LY75: variants seen among roughly 807,000 people sequenced by gnomAD.
LY75 encodes lymphocyte antigen 75.
Under a neutral mutation model 231.7 loss-of-function variants are expected in LY75, and 185 were observed. The observed-to-expected ratio is 0.80, with a 90% CI of 0.71 to 0.90. LY75 has a LOEUF of 0.90. Among genes scored for constraint, LY75 ranks in the 40% least tolerant of loss-of-function variants. The probability of loss-of-function intolerance (pLI) is 0.00; values close to 1 mark genes in which losing one functional copy is unlikely to be tolerated. For synonymous variants in LY75, 668 were observed against 689.0 expected (o/e 0.97, Z 0.48); for missense variants, 1,947 against 2,050.2 (o/e 0.95, Z 0.97).
intron 2 of LY75, among the ~76,000 whole-genome samples, chr2:159,894,333 C>T (rs1685847412): frequency 6.6e-6 from 1 of 152,178 alleles, no homozygotes; most frequent in Admixed American, 6.5e-5. Context: ...CTGGGGATAG[C>T]GTTCAGTGAT....
intron 32 of LY75, among the ~76,000 whole-genome samples, 158 bp downstream of exon 32, chr2:159,810,368 C>T (rs944165815): frequency 1.3e-5 from 2 of 151,958 alleles, no homozygotes; most frequent in South Asian, 4.2e-4. Flanking sequence ...GATACTTAAC[C>T]ATTTCCCTAC....
At chr2:159,843,890 C>G (rs1684117602) in intron 23 of LY75, among the ~76,000 whole-genome samples, 1 of 152,078 alleles carries the variant, frequency 6.6e-6, no homozygotes, top group African/African-American at 2.4e-5. Context: ...CACATGCATG[C>G]ATTGAAACAT....
At position 159,804,715 on chromosome 2, in the gene LY75, G is replaced by C. The variant is rs1682744361; in HGVS notation, c.*329C>G. The C allele has an allele frequency of 6.3e-6, 1 of 158,038 alleles. No homozygotes were observed. The highest frequency in any genetic ancestry group is 2.4e-5 in the African/African-American group (1 of 41,650). 9.8% of individuals were successfully genotyped at this position (158,038 alleles called of 1,614,324 possible). A position where few individuals can be genotyped will look rare whatever the true frequency, so the allele number is the denominator to read the frequency against. ...TAATATGCCTATTTTAATTTTCTAAGAAGTTTTGTTAAAAATTCTATTAAA... is the reference window on the plus strand; with the variant it reads ...TAATATGCCTATTTTAATTTTCTAACAAGTTTTGTTAAAAATTCTATTAAA... On this transcript the variant is annotated 3_prime_UTR_variant, in exon 35 of 35. Coordinates refer to ENST00000263636, the MANE Select transcript of LY75 (RefSeq NM_002349.4).
intron 1 of LY75, chr2:159,903,596 C>A (rs1185302215): frequency 6.6e-6 from 1 of 152,176 alleles, no homozygotes; most frequent in African/African-American, 2.4e-5. Flanking sequence ...CAGATGGTAA[C>A]TTAGCTTAGC....
intron 1 of LY75, among the ~76,000 whole-genome samples, chr2:159,900,330 C>T (rs530358860): frequency 2.6e-5 from 4 of 152,296 alleles, no homozygotes. Flanking sequence ...TTACAACAAA[C>T]TATAATCAGA....
chr2:159,817,371 G>C (rs1382973400), intron 29 of LY75, among the ~76,000 whole-genome samples: 1 of 152,180 alleles, frequency 6.6e-6, no homozygotes, highest in Non-Finnish European at 1.5e-5. Flanking sequence ...GAAGAGTCAG[G>C]AAGACTACTT....
chr2:159,872,440 T>TA lies in LY75; in HGVS notation c.2117+10dup, dbSNP rs764670622. ...AATTCAGCATAGAAATTCTCATTCT[T>TA]AAAGTATTACCTGAACTGGTCCGTT... On this transcript the variant is annotated intron_variant, in intron 13 of 34. Transcript: ENST00000263636. The TA allele has an allele frequency of 1.9e-6, 3 of 1,611,396 alleles. No homozygotes were observed. The South Asian group carries it at 3.3e-5, about 18-fold the overall frequency.
At position 159,878,646 on chromosome 2, in the gene LY75, T is replaced by A. The variant is rs373424377; in HGVS notation, c.1591A>T (p.Thr531Ser). Residue 531 changes from threonine (T) to serine (S), a missense_variant, in exon 10 of 35, where the codon ACT (threonine) becomes TCT (serine). Transcript: ENST00000263636. ...TGATGGTCACACCTGCTAGTGATAG[T>A]CAGATTGCAGTTTGTTCCAAAAGGG... Reference protein sequence around the residue: ...EVPFGTNCNLTITSRFEQEYL... With the variant: ...EVPFGTNCNLSITSRFEQEYL... 20 of 1,613,922 alleles carry A rather than the reference T, an allele frequency of 1.2e-5. No individual in the cohort carries two copies. The African/African-American group carries it at 2.3e-4, about 18-fold the overall frequency.
At chr2:159,840,660 A>G in intron 25 of LY75, 69 bp downstream of exon 25, 1 of 1,594,958 alleles carries the variant, frequency 6.3e-7, no homozygotes, top group South Asian at 1.1e-5. Context: ...CTGCTGTGAG[A>G]GAAGCTATGC....
intron 12 of LY75, among the ~76,000 whole-genome samples, chr2:159,873,114 AAAG>A (rs1412910818): frequency 6.6e-6 from 1 of 151,220 alleles, no homozygotes; most frequent in Non-Finnish European, 1.5e-5. Flanking sequence ...GGCTGTTTCA[AAAG>A]AAGAAGAAAG....
intron 12 of LY75, 103 bp downstream of exon 12, chr2:159,875,341 G>T: frequency 6.8e-7 from 1 of 1,462,122 alleles, no homozygotes; most frequent in South Asian, 1.4e-5. Flanking sequence ...ACTTTAGTTA[G>T]GTTACATAGT....
At chr2:159,895,750 G>C (rs1207805016) in intron 2 of LY75, among the ~76,000 whole-genome samples, 1 of 152,174 alleles carries the variant, frequency 6.6e-6, no homozygotes, top group African/African-American at 2.4e-5. Flanking sequence ...AAATTTCATA[G>C]CTCAAAGCTG....
intron 23 of LY75, among the ~76,000 whole-genome samples, chr2:159,843,399 A>G (rs1297144805): frequency 2.0e-5 from 3 of 152,174 alleles, no homozygotes; most frequent in Non-Finnish European, 2.9e-5. Context: ...ACTTTCTTGA[A>G]AAATGCCAAT....
intron 1 of LY75, chr2:159,902,769 T>G (rs1349230973): frequency 6.6e-6 from 1 of 152,170 alleles, no homozygotes; most frequent in Admixed American, 6.6e-5. Flanking sequence ...AGTCAGAAAG[T>G]CTTCACGCAC....
chr2:159,807,589 C>T (rs2125826134), intron 33 of LY75: 1 of 983,434 alleles, frequency 1.0e-6, no homozygotes, highest in South Asian at 4.7e-5. Flanking sequence ...ACCTTTCTCC[C>T]ACACCACCAC....
chr2:159,818,984 TG>T (rs1683205555), intron 29 of LY75, among the ~76,000 whole-genome samples: 1 of 152,150 alleles, frequency 6.6e-6, no homozygotes, highest in Non-Finnish European at 1.5e-5. Context: ...GCCTAGAAAC[TG>T]GGGATAGAGA....
intron 12 of LY75, 52 bp downstream of exon 12, chr2:159,875,392 G>A (rs926693762): frequency 6.3e-7 from 1 of 1,589,438 alleles, no homozygotes; most frequent in South Asian, 1.2e-5. Flanking sequence ...ACATGAACAA[G>A]GGTAGTGGAA....
At chr2:159,855,526 G>T (rs1684523036) in intron 16 of LY75, among the ~76,000 whole-genome samples, 1 of 152,218 alleles carries the variant, frequency 6.6e-6, no homozygotes, top group Non-Finnish European at 1.5e-5. Context: ...TGGAAACGGA[G>T]TAAATAATGG....
At chr2:159,895,373 G>A (rs997982691) in intron 2 of LY75, among the ~76,000 whole-genome samples, 6 of 152,010 alleles carry the variant, frequency 3.9e-5, no homozygotes, top group Admixed American at 1.3e-4. Context: ...CAGTTTAACC[G>A]CATCAAAACC....
Sources: gnomAD v4.1 joint callset for allele counts (sites outside exome capture counted in the v4.1 genomes callset) on GRCh38, gnomAD v4.1.1 for gene constraint, MANE v1.5 for transcripts, NCBI Gene and HGNC (gene_info 2026-07-23, HGNC 2026-07-21) for gene names.